KCNH5: variants seen among roughly 807,000 people sequenced by gnomAD.
KCNH5 encodes potassium voltage-gated channel subfamily H member 5, also known as voltage-gated delayed rectifier potassium channel KCNH5.
Under a neutral mutation model 96.1 loss-of-function variants are expected in KCNH5, and 46 were observed. That is an observed-to-expected ratio of 0.48 (90% CI 0.38 to 0.61). The LOEUF (loss-of-function observed/expected upper bound fraction) is 0.61, where lower values mean the gene tolerates loss of function less well. KCNH5 is among the 20% of genes least tolerant of loss of function. The probability of loss-of-function intolerance (pLI) is 0.00; values close to 1 mark genes in which losing one functional copy is unlikely to be tolerated. For synonymous variants in KCNH5, 439 were observed against 449.8 expected (o/e 0.98, Z 0.30); for missense variants, 907 against 1,225.8 (o/e 0.74, Z 3.88).
chr14:62,904,174 A>G (rs1178396917), intron 7 of KCNH5, among the ~76,000 whole-genome samples: 1 of 152,222 alleles, frequency 6.6e-6, no homozygotes, highest in Non-Finnish European at 1.5e-5. Context: ...TTGTTTCCAC[A>G]ATGGCCTATA....
chr14:63,016,593 T>A (rs1203799047), intron 2 of KCNH5, among the ~76,000 whole-genome samples: 2 of 152,112 alleles, frequency 1.3e-5, no homozygotes, highest in African/African-American at 2.4e-5. Flanking sequence ...CATCAAAAAA[T>A]ATTTATTGAA....
At chr14:62,787,535 T>C (rs1072022) in intron 9 of KCNH5, among the ~76,000 whole-genome samples, 70,078 of 152,072 alleles carry the variant, frequency 0.46, 17,386 homozygotes, top group South Asian at 0.7. Flanking sequence ...GTGACTAGAC[T>C]AGACAACAGA....
chr14:62,997,901 A>G (rs1168579037), intron 4 of KCNH5, among the ~76,000 whole-genome samples: 1 of 142,390 alleles, frequency 7.0e-6, no homozygotes, highest in Middle Eastern at 3.6e-3. Context: ...CTCCATCTCA[A>G]AAAAAAAAAA....
rs368007332 is a variant in KCNH5, at chr14:63,016,521, C to G, written c.197+310G>C. 4.3e-4 allele frequency among the ~76,000 whole-genome samples: 66 copies of G among 152,138 alleles called. 5 individuals are homozygous for G. The South Asian group carries it at 5.2e-3, about 12-fold the overall frequency. ...TGTAGATCACATGCCACAAGTTGTT[C>G]CCTGATACAAGACGTTCCTCTGATT... On this transcript the variant is annotated intron_variant, in intron 2 of 10. Transcript: ENST00000322893.
chr14:62,751,539 G>A (rs1011030923), intron 10 of KCNH5, among the ~76,000 whole-genome samples: 9 of 152,174 alleles, frequency 5.9e-5, no homozygotes, highest in African/African-American at 2.2e-4. Flanking sequence ...TAAGCACTGG[G>A]CAATCCCTCT....
intron 8 of KCNH5, among the ~76,000 whole-genome samples, chr14:62,825,466 C>T (rs1288882636): frequency 1.3e-5 from 2 of 151,766 alleles, no homozygotes; most frequent in East Asian, 3.9e-4. Context: ...ATTAAACTAA[C>T]CGACACCTAG....
chr14:62,786,329 T>C (rs976408916), intron 9 of KCNH5, among the ~76,000 whole-genome samples: 6 of 152,222 alleles, frequency 3.9e-5, no homozygotes, highest in Non-Finnish European at 7.3e-5. Context: ...AGGGGTGTGA[T>C]AGTGGCTCTA....
chr14:62,969,603 G>A (rs1347253198), intron 6 of KCNH5, among the ~76,000 whole-genome samples: 1 of 152,002 alleles, frequency 6.6e-6, no homozygotes, highest in East Asian at 1.9e-4. Context: ...GCCAGGGACG[G>A]GGAGGGAGAG....
In KCNH5 at chr14:63,006,353, T is replaced by C. The variant is rs1891125114; in HGVS notation, c.304+13A>G. On this transcript the variant is annotated intron_variant, in intron 3 of 10. Coordinates refer to ENST00000322893, the MANE Select transcript of KCNH5 (RefSeq NM_139318.5). ...AAGAGTTGGCACATCTTATTAATAA[T>C]TGAGATACCTACTGTTTTTCTTGTA... 1.3e-6 allele frequency: 2 copies of C among 1,508,856 alleles called. No individual in the cohort carries two copies. Among genetic ancestry groups the C allele is most frequent in the African/African-American group, 1.4e-5 (1 of 72,832 alleles). 93.5% of individuals were successfully genotyped at this position (1,508,856 alleles called of 1,614,324 possible).
chr14:62,794,124 G>A (rs918120661), intron 9 of KCNH5, among the ~76,000 whole-genome samples: 3 of 151,896 alleles, frequency 2.0e-5, no homozygotes, highest in Non-Finnish European at 4.4e-5. Context: ...GAGAAGGACA[G>A]TATTTATAGA....
At chr14:62,999,066 G>A (rs907660906) in intron 4 of KCNH5, among the ~76,000 whole-genome samples, 1 of 152,168 alleles carries the variant, frequency 6.6e-6, no homozygotes, top group Admixed American at 6.5e-5. Flanking sequence ...TGGGATGGCT[G>A]GGTCAAATGG....
Position 62,705,664 on chromosome 14 carries a change from T to C in KCNH5, c.*1844A>G, listed in dbSNP as rs1884416169. ...ACTCCTAGATTAAAGAGGCACATCTTGTGGGCATGTGAAGTTCAATAGAAA... is the reference window on the plus strand; with the variant it reads ...ACTCCTAGATTAAAGAGGCACATCTCGTGGGCATGTGAAGTTCAATAGAAA... On this transcript the variant is annotated 3_prime_UTR_variant, in exon 11 of 11. Coordinates refer to ENST00000322893, the MANE Select transcript of KCNH5 (RefSeq NM_139318.5). 1 of 152,048 alleles carries C rather than the reference T, an allele frequency of 6.6e-6. No individual in the cohort carries two copies. Among genetic ancestry groups the C allele is most frequent in the Non-Finnish European group, 1.5e-5 (1 of 67,906 alleles). 9.4% of individuals were successfully genotyped at this position (152,048 alleles called of 1,614,324 possible). A position where few individuals can be genotyped will look rare whatever the true frequency, so the allele number is the denominator to read the frequency against.
At chr14:62,801,892 C>T (rs1007822876) in intron 9 of KCNH5, among the ~76,000 whole-genome samples, 1 of 152,046 alleles carries the variant, frequency 6.6e-6, no homozygotes, top group Non-Finnish European at 1.5e-5. Flanking sequence ...CATTCATTTA[C>T]TAATTGGGAA....
chr14:62,949,913 ACACACATTAATATGTTTTT>A, intron 7 of KCNH5: 1 of 477,854 alleles, frequency 2.1e-6, no homozygotes, highest in Non-Finnish European at 3.8e-6. Context: ...ACTGCTGGGT[ACACACATTAATATGTTTTT>A]CACACATTAT....
At chr14:63,035,944 A>G (rs1294019440) in intron 1 of KCNH5, among the ~76,000 whole-genome samples, 1 of 152,188 alleles carries the variant, frequency 6.6e-6, no homozygotes, top group African/African-American at 2.4e-5. Flanking sequence ...AGTAAGGGCT[A>G]GACAGGAGTC....
intron 9 of KCNH5, among the ~76,000 whole-genome samples, chr14:62,780,521 G>A (rs1003606049): frequency 2.6e-5 from 4 of 151,974 alleles, no homozygotes; most frequent in Non-Finnish European, 4.4e-5. Flanking sequence ...CAAAGCTGAA[G>A]GACCCAGGTT....
At chr14:63,031,131 GAAAAGAGTATCTAGTAGGGGA>G (rs1336905999) in intron 1 of KCNH5, among the ~76,000 whole-genome samples, 3 of 151,960 alleles carry the variant, frequency 2.0e-5, no homozygotes, top group Non-Finnish European at 4.4e-5. Flanking sequence ...CTAGTAGGGG[GAAAAGAGTATCTAGTAGGGGA>G]AAAAGACAGG....
At chr14:62,841,762 G>A (rs909932937) in intron 8 of KCNH5, among the ~76,000 whole-genome samples, 1 of 152,242 alleles carries the variant, frequency 6.6e-6, no homozygotes, top group African/African-American at 2.4e-5. Context: ...CAAGCACCAT[G>A]TGGGCATTTT....
At chr14:62,871,140 G>A (rs1222160804) in intron 7 of KCNH5, among the ~76,000 whole-genome samples, 2 of 152,246 alleles carry the variant, frequency 1.3e-5, no homozygotes, top group Non-Finnish European at 2.9e-5. Context: ...TTGGCTTATT[G>A]GGTATTATTC....
Sources: gnomAD v4.1 joint callset for allele counts (sites outside exome capture counted in the v4.1 genomes callset) on GRCh38, gnomAD v4.1.1 for gene constraint, MANE v1.5 for transcripts, NCBI Gene and HGNC (gene_info 2026-07-23, HGNC 2026-07-21) for gene names.